Variants in RIMBP2 observed in about 807,000 individuals in gnomAD.
The protein encoded by RIMBP2 is RIMS-binding protein 2.
In RIMBP2, 48 loss-of-function variants were observed where a neutral mutation model predicts 118.6. The ratio of observed to expected loss-of-function variants is 0.40; its 90% CI spans 0.32 to 0.51. The LOEUF (loss-of-function observed/expected upper bound fraction) is 0.51, where lower values mean the gene tolerates loss of function less well. RIMBP2 is among the 20% of genes least tolerant of loss of function. RIMBP2 has a pLI of 0.41. For missense variants in RIMBP2, 1,551 were observed against 1,768.3 expected (o/e 0.88, Z 2.20); for synonymous variants, 762 against 742.9 (o/e 1.03, Z -0.42).
At chr12:130,557,639 T>A (rs2056475682) in intron 2 of RIMBP2, among the ~76,000 whole-genome samples, 2 of 152,220 alleles carry the variant, frequency 1.3e-5, no homozygotes, top group Admixed American at 6.5e-5. Context: ...AGACAGCAGA[T>A]GTGTGTTGTT....
At chr12:130,636,482 C>T (rs1265040823) in intron 1 of RIMBP2, among the ~76,000 whole-genome samples, 2 of 152,310 alleles carry the variant, frequency 1.3e-5, no homozygotes, top group Non-Finnish European at 2.9e-5. Context: ...CTCACTAAAC[C>T]TCAATTGACT....
In RIMBP2 at chr12:130,442,422, T is replaced by C. The variant is rs1298903709; in HGVS notation, c.930A>G (p.Gly310=). ...TTCTAGGGTAAGGCACGATGTCTTCTCCGATGTCGTCGATGTTCACGTCCA... is the reference window on the plus strand; with the variant it reads ...TTCTAGGGTAAGGCACGATGTCTTCCCCGATGTCGTCGATGTTCACGTCCA... ...GTLDVNIDDI[G]EDIVPYPRKI... The change falls in exon 11 of 23, where the codon GGA becomes GGG. Residue 310 remains glycine, a synonymous_variant. Coordinates refer to ENST00000690449, the MANE Select transcript of RIMBP2 (RefSeq NM_001393629.1). The surrounding 1 kb of genome is among the most constrained non-coding windows in gnomAD (Gnocchi z 6.9). 6.2e-7 allele frequency: 1 copy of C among 1,614,138 alleles called. No individual in the cohort carries two copies. Among genetic ancestry groups the C allele is most frequent in the Non-Finnish European group, 8.5e-7 (1 of 1,180,026 alleles).
chr12:130,548,861 A>G (rs2055437985), intron 2 of RIMBP2, among the ~76,000 whole-genome samples: 1 of 152,052 alleles, frequency 6.6e-6, no homozygotes, highest in South Asian at 2.1e-4. Flanking sequence ...TCCTAGGATT[A>G]CAGGCATGAG....
At chr12:130,592,920 C>T (rs188540620) in intron 2 of RIMBP2, among the ~76,000 whole-genome samples, 24 of 152,306 alleles carry the variant, frequency 1.6e-4, no homozygotes, top group Non-Finnish European at 2.9e-4. Flanking sequence ...CACGCTGACC[C>T]TTCTGGCCTC....
intron 2 of RIMBP2, among the ~76,000 whole-genome samples, chr12:130,539,643 G>A (rs2054396928): frequency 6.7e-6 from 1 of 150,170 alleles, no homozygotes; most frequent in Non-Finnish European, 1.5e-5. Flanking sequence ...TATGGCAAAT[G>A]CAGTCGATGA....
chr12:130,598,707 G>A (rs534783810), intron 2 of RIMBP2, among the ~76,000 whole-genome samples: 54 of 150,602 alleles, frequency 3.6e-4, no homozygotes, highest in South Asian at 6.3e-4. Flanking sequence ...CAGCCTGGGC[G>A]ACTGAGCAAG....
At chr12:130,477,301 G>A (rs2081518605) in intron 5 of RIMBP2, among the ~76,000 whole-genome samples, 1 of 152,210 alleles carries the variant, frequency 6.6e-6, no homozygotes. Flanking sequence ...ATGTTCTGTT[G>A]AGAGGAGACA....
At chr12:130,399,025 C>CCCCACAA in intron 22 of RIMBP2, 1 of 546,680 alleles carries the variant, frequency 1.8e-6, no homozygotes, top group Non-Finnish European at 3.0e-6. Flanking sequence ...TTTTTTTTAA[C>CCCCACAA]CCCACAATGA....
chr12:130,451,420 G>T, intron 7 of RIMBP2, 80 bp from the exon 8 acceptor site: 2 of 1,446,698 alleles, frequency 1.4e-6, no homozygotes, highest in Non-Finnish European at 1.9e-6. Context: ...GCCTACCCGG[G>T]GTGCCTTTCC....
chr12:130,698,198 G>C (rs1417004039), intron 1 of RIMBP2, among the ~76,000 whole-genome samples: 1 of 152,178 alleles, frequency 6.6e-6, no homozygotes, highest in Non-Finnish European at 1.5e-5. Context: ...GAGAAGGCGT[G>C]GGCCACAGAG....
At chr12:130,705,240 G>T (rs556312649) in intron 1 of RIMBP2, among the ~76,000 whole-genome samples, 1 of 152,268 alleles carries the variant, frequency 6.6e-6, no homozygotes, top group Admixed American at 6.5e-5. Context: ...CACACCCGAA[G>T]CCCAGGAGAA....
intron 2 of RIMBP2, among the ~76,000 whole-genome samples, chr12:130,557,787 T>C (rs1286067602): frequency 1.3e-5 from 2 of 152,196 alleles, no homozygotes; most frequent in African/African-American, 4.8e-5. Context: ...CCTGTACTTA[T>C]CTGTAGACAA....
At position 130,581,455 on chromosome 12, in the gene RIMBP2, C is replaced by A. The variant is rs1042120279; in HGVS notation, c.-217+46867G>T. Among the ~76,000 whole-genome samples the A allele has an allele frequency of 1.3e-5, 2 of 152,216 alleles. No homozygotes were observed. Among genetic ancestry groups the A allele is most frequent in the African/African-American group, 4.8e-5 (2 of 41,464 alleles). ...CCAAGGTCCATGCTCACCCCCACTG[C>A]CCACCCAGCCTGTCCCAGTGGAGGT... is the stretch of plus-strand genomic sequence containing the variant. On this transcript the variant is annotated intron_variant, in intron 2 of 22. Coordinates refer to ENST00000690449, the MANE Select transcript of RIMBP2 (RefSeq NM_001393629.1). This position sits in a 1 kb window ranked among gnomAD's most constrained non-coding sequence, Gnocchi z 4.4.
intron 1 of RIMBP2, among the ~76,000 whole-genome samples, chr12:130,700,010 G>A (rs948806211): frequency 4.6e-4 from 68 of 148,518 alleles, no homozygotes; most frequent in Non-Finnish European, 8.6e-4. Flanking sequence ...CTAATTCTAC[G>A]TAGGCCAAAT....
chr12:130,603,079 C>T (rs1262494463), intron 2 of RIMBP2, among the ~76,000 whole-genome samples: 2 of 152,174 alleles, frequency 1.3e-5, no homozygotes, highest in Non-Finnish European at 2.9e-5. Context: ...TATCAAGAAA[C>T]AGTACTAATA....
intron 3 of RIMBP2, among the ~76,000 whole-genome samples, chr12:130,513,895 A>G (rs764539930): frequency 6.6e-6 from 1 of 152,256 alleles, no homozygotes; most frequent in African/African-American, 2.4e-5. Context: ...CTGATCCCCA[A>G]GTGTCTCCAG....
intron 2 of RIMBP2, among the ~76,000 whole-genome samples, chr12:130,615,277 AT>A (rs2060848616): frequency 3.0e-5 from 1 of 33,884 alleles, no homozygotes; most frequent in Non-Finnish European, 6.0e-5. Flanking sequence ...ATACACATAC[AT>A]ATATATATAT....
In RIMBP2 at chr12:130,417,870, G is replaced by GA. The variant is rs574144192; in HGVS notation, c.3239-3565_3239-3564insT. On this transcript the variant is annotated intron_variant, in intron 17 of 22. Coordinates refer to ENST00000690449, the MANE Select transcript of RIMBP2 (RefSeq NM_001393629.1). ...TATATGTATGGAGAGAGAATGGGAG[G>GA]GGAGAGGGAACTGACAGATAATATT... Among the ~76,000 whole-genome samples the GA allele has an allele frequency of 5.6e-3, 849 of 152,244 alleles. 3 individuals carry two copies. Among genetic ancestry groups the GA allele is most frequent in the Middle Eastern group, 0.01 (3 of 294 alleles).
At chr12:130,418,634 G>A (rs909893752) in intron 17 of RIMBP2, among the ~76,000 whole-genome samples, 1 of 152,208 alleles carries the variant, frequency 6.6e-6, no homozygotes, top group African/African-American at 2.4e-5. Context: ...CTGAGTTTAT[G>A]TGGCAAGTTT....
Sources: gnomAD v4.1 joint callset for allele counts (sites outside exome capture counted in the v4.1 genomes callset) on GRCh38, gnomAD v4.1.1 for gene constraint, Gnocchi (gnomAD v3.1) non-coding constraint, MANE v1.5 for transcripts, NCBI Gene and HGNC (gene_info 2026-07-23, HGNC 2026-07-21) for gene names.